The following FAM174B variants were observed in gnomAD, a reference collection of about 807,000 sequenced individuals.
FAM174B encodes family with sequence similarity 174 member B, also known as membrane protein FAM174B.
A neutral mutation model predicts 10.9 loss-of-function variants in FAM174B; 12 were observed. The observed-to-expected ratio is 1.10, with a 90% CI of 0.71 to 1.79. FAM174B has a LOEUF of 1.79. Among genes scored for constraint, FAM174B ranks in the 40% most tolerant of loss-of-function variants. The probability of loss-of-function intolerance (pLI) is 0.00; values close to 1 mark genes in which losing one functional copy is unlikely to be tolerated. For synonymous variants in FAM174B, 132 were observed against 115.8 expected, an observed-to-expected ratio of 1.14 and a Z score of -0.90; for missense variants, 266 against 233.3, an observed-to-expected ratio of 1.14 and a Z score of -0.91.
chr15:92,630,637 G>A (rs184779162), intron 1 of FAM174B, among the ~76,000 whole-genome samples: 3 of 150,806 alleles, frequency 2.0e-5, no homozygotes, highest in African/African-American at 7.3e-5. Flanking sequence ...TCCCTGGTCT[G>A]AGCACTAAAA....
At chr15:92,631,712 G>A (rs1489174054) in intron 1 of FAM174B, among the ~76,000 whole-genome samples, 2 of 150,648 alleles carry the variant, frequency 1.3e-5, no homozygotes, top group Non-Finnish European at 2.9e-5. Context: ...TAGCCAGGAT[G>A]GTCTCGATCT....
chr15:92,639,801 G>A (rs1567047811), intron 1 of FAM174B, among the ~76,000 whole-genome samples: 1 of 152,154 alleles, frequency 6.6e-6, no homozygotes, highest in South Asian at 2.1e-4. Flanking sequence ...GTGAGTGCCT[G>A]CTCCCCTTTG....
intron 1 of FAM174B, among the ~76,000 whole-genome samples, chr15:92,630,877 T>TTA (rs1489205211): frequency 5.7e-5 from 3 of 52,732 alleles, no homozygotes; most frequent in African/African-American, 1.3e-4. Context: ...ATATTATATA[T>TTA]TATATATTAC....
At chr15:92,626,566 C>CT (rs1425213253) in intron 2 of FAM174B, among the ~76,000 whole-genome samples, 1 of 152,112 alleles carries the variant, frequency 6.6e-6, no homozygotes, top group African/African-American at 2.4e-5. Flanking sequence ...CAGAGAGAAG[C>CT]TGGCAGCCCT....
Position 92,617,728 on chromosome 15 carries a change from G to C in FAM174B, c.*1728C>G, listed in dbSNP as rs1330425810. On this transcript the variant is annotated 3_prime_UTR_variant, in exon 3 of 3. Coordinates refer to ENST00000327355, the MANE Select transcript of FAM174B (RefSeq NM_207446.3). ...CTCCCGTGAGTCACCACTCAGGCCT[G>C]AGTACACCGTGGAGAGGAGAGATAA... The C allele has an allele frequency of 1.5e-6, 1 of 661,670 alleles. No individual in the cohort carries two copies. The highest frequency in any genetic ancestry group is 2.7e-6 in the Non-Finnish European group (1 of 369,248). The allele number at this position is 661,670 out of a possible 1,614,324, so 41.0% of individuals were successfully genotyped here.
At chr15:92,631,381 TTATATATTA>T (rs1344791938) in intron 1 of FAM174B, among the ~76,000 whole-genome samples, 1 of 29,864 alleles carries the variant, frequency 3.3e-5, no homozygotes, top group African/African-American at 2.2e-4. Flanking sequence ...ATATAATATA[TTATATATTA>T]TATATTATAT....
Position 92,655,594 on chromosome 15 carries a change from G to GGGAGCGGCCA in FAM174B, c.56_65dup (p.Ala23GlyfsTer108), listed in dbSNP as rs750078300. ...ACTCGGCTCTGCTGGCGCGGGCGGCGGGAGCGGCCAGGAGCGCGAGCAGCA... is the reference window on the plus strand; with the variant it reads ...ACTCGGCTCTGCTGGCGCGGGCGGCGGGAGCGGCCAGGAGCGGCCAGGAGCGCGAGCAGCA... On this transcript the variant is annotated frameshift_variant, in exon 1 of 3. Coordinates refer to ENST00000327355, the MANE Select transcript of FAM174B (RefSeq NM_207446.3). LOFTEE classifies it high-confidence loss of function. The GGGAGCGGCCA allele has an allele frequency of 1.6e-4, 211 of 1,303,940 alleles. No individual in the cohort carries two copies. Among genetic ancestry groups the GGGAGCGGCCA allele is most frequent in the Admixed American group, 4.1e-5 (1 of 24,290 alleles). The allele number at this position is 1,303,940 out of a possible 1,614,324, so 80.8% of individuals were successfully genotyped here. A position where few individuals can be genotyped will look rare whatever the true frequency, so the allele number is the denominator to read the frequency against.
rs1274128827 is a variant in FAM174B at position 92,630,786 on chromosome 15, A to T, written c.345-441T>A. 2.3e-5 allele frequency among the ~76,000 whole-genome samples: 2 copies of T among 86,752 alleles called. 1 individual carries two copies. Among genetic ancestry groups the T allele is most frequent in the African/African-American group, 6.6e-5 (2 of 30,244 alleles). 56.9% of individuals were successfully genotyped at this position (86,752 alleles called of 152,430 possible). A position where few individuals can be genotyped will look rare whatever the true frequency, so the allele number is the denominator to read the frequency against. On this transcript the variant is annotated intron_variant, in intron 1 of 2. Transcript: ENST00000327355. ...TATATAATAATAATATATTTTATATATTACATATTACATATTATATATATT... is the reference window on the plus strand; with the variant it reads ...TATATAATAATAATATATTTTATATTTTACATATTACATATTATATATATT...
Position 92,655,447 on chromosome 15 carries a change from G to A in FAM174B, c.213C>T (p.Asn71=), listed in dbSNP as rs771719507. Residue 71 remains asparagine (N), a synonymous_variant, in exon 1 of 3, where the codon AAC becomes AAT. Coordinates refer to ENST00000327355, the MANE Select transcript of FAM174B (RefSeq NM_207446.3). The part of the protein sequence containing the change: ...AAGGSGSSSS[N]SSGDALVTRI... ...GGGTCACCAAGGCGTCGCCACTGCT[G>A]TTGGAGCTGGAGCTGCCGCTGCCGC... The A allele has an allele frequency of 4.2e-6, 6 of 1,436,366 alleles. No individual in the cohort carries two copies. In the South Asian group the frequency reaches 4.9e-5, roughly 12 times the overall value. The allele number at this position is 1,436,366 out of a possible 1,614,324, so 89.0% of individuals were successfully genotyped here.
chr15:92,641,140 T>A (rs2050889153), intron 1 of FAM174B, among the ~76,000 whole-genome samples: 1 of 152,136 alleles, frequency 6.6e-6, no homozygotes, highest in South Asian at 2.1e-4. Flanking sequence ...TCACTTTCAA[T>A]AAGATAAATG....
intron 1 of FAM174B, among the ~76,000 whole-genome samples, chr15:92,652,883 C>G (rs2050975969): frequency 6.6e-6 from 1 of 151,974 alleles, no homozygotes; most frequent in Admixed American, 6.5e-5. Flanking sequence ...TACAGGGGAG[C>G]GTGGGACAGG....
intron 1 of FAM174B, among the ~76,000 whole-genome samples, chr15:92,653,383 T>C (rs1380656004): frequency 6.6e-6 from 1 of 152,010 alleles, no homozygotes; most frequent in East Asian, 1.9e-4. Context: ...TCAAATACCT[T>C]CTAAAAAAAA....
At position 92,655,681 on chromosome 15, in the gene FAM174B, A is replaced by C; in HGVS notation, c.-22T>G. On this transcript the variant is annotated 5_prime_UTR_variant, in exon 1 of 3. Transcript: ENST00000327355. ...GCATAGTGCGGTGGGTCGGCACAGGATCGGGCAGGGCGCGCGCGGCTGAGC... is the reference window on the plus strand; with the variant it reads ...GCATAGTGCGGTGGGTCGGCACAGGCTCGGGCAGGGCGCGCGCGGCTGAGC... 8.0e-7 allele frequency: 1 copy of C among 1,244,104 alleles called. No homozygotes were observed. Among genetic ancestry groups the C allele is most frequent in the Non-Finnish European group, 1.0e-6 (1 of 996,260 alleles). The allele number at this position is 1,244,104 out of a possible 1,614,324, so 77.1% of individuals were successfully genotyped here.
At chr15:92,629,445 C>A (rs559356675) in intron 2 of FAM174B, among the ~76,000 whole-genome samples, 48 of 152,304 alleles carry the variant, frequency 3.2e-4, no homozygotes, top group South Asian at 2.1e-3. Context: ...CAAGCAGGAA[C>A]GCCACCCACC....
At position 92,655,673 on chromosome 15, in the gene FAM174B, G is replaced by T. The variant is rs778841377; in HGVS notation, c.-14C>A. 2 of 1,250,858 alleles carry T rather than the reference G, an allele frequency of 1.6e-6. No homozygotes were observed. Among genetic ancestry groups the T allele is most frequent in the Admixed American group, 3.8e-5 (1 of 26,156 alleles). The allele number at this position is 1,250,858 out of a possible 1,614,324, so 77.5% of individuals were successfully genotyped here. On this transcript the variant is annotated 5_prime_UTR_variant, in exon 1 of 3. Coordinates refer to ENST00000327355, the MANE Select transcript of FAM174B (RefSeq NM_207446.3). ...CACGGCGCGCATAGTGCGGTGGGTC[G>T]GCACAGGATCGGGCAGGGCGCGCGC...
chr15:92,641,716 G>T (rs2050893270), intron 1 of FAM174B, among the ~76,000 whole-genome samples: 2 of 152,028 alleles, frequency 1.3e-5, no homozygotes, highest in South Asian at 4.1e-4. Context: ...TAAATTTTTA[G>T]AAAAAAATAG....
At chr15:92,624,254 A>C (rs1310625723) in intron 2 of FAM174B, among the ~76,000 whole-genome samples, 1 of 152,190 alleles carries the variant, frequency 6.6e-6, no homozygotes, top group African/African-American at 2.4e-5. Flanking sequence ...GTTACCCTGC[A>C]GGTCACCGGC....
intron 2 of FAM174B, among the ~76,000 whole-genome samples, chr15:92,629,818 G>C (rs555115816): frequency 3.3e-5 from 5 of 152,072 alleles, no homozygotes. Flanking sequence ...GGGCCTTCCC[G>C]TGCTGCTCTC....
rs1254463571 is a variant in FAM174B at position 92,619,317 on chromosome 15, T to A, written c.*139A>T. 3 of 908,290 alleles carry A rather than the reference T, an allele frequency of 3.3e-6. No individual in the cohort carries two copies. Among genetic ancestry groups the A allele is most frequent in the Non-Finnish European group, 5.4e-6 (3 of 555,516 alleles). 56.3% of individuals were successfully genotyped at this position (908,290 alleles called of 1,614,324 possible). On this transcript the variant is annotated 3_prime_UTR_variant, in exon 3 of 3. Coordinates refer to ENST00000327355, the MANE Select transcript of FAM174B (RefSeq NM_207446.3). ...CTGAGCAGATGCCTGACACGCACGA[T>A]GGAGCTGGGGTTTTATACATAACGT...
Sources: allele counts gnomAD v4.1 joint callset (sites outside exome capture counted in the v4.1 genomes callset), GRCh38; gene constraint gnomAD v4.1.1; transcripts MANE v1.5; gene names NCBI Gene and HGNC (gene_info 2026-07-23, HGNC 2026-07-21).